Variants in C2CD3 observed in about 807,000 individuals in gnomAD.
C2CD3 encodes C2 domain containing 3 centriole elongation regulator, also known as C2 domain-containing protein 3.
A neutral mutation model predicts 234.0 loss-of-function variants in C2CD3; 148 were observed. That is an observed-to-expected ratio of 0.63 (90% CI 0.55 to 0.72). C2CD3 has a LOEUF of 0.72. Ranked by LOEUF, C2CD3 falls within the 30% of genes least tolerant of loss-of-function variation. C2CD3 has a pLI of 0.00. For synonymous variants in C2CD3, 1,000 were observed against 1,035.4 expected, an observed-to-expected ratio of 0.97 and a Z score of 0.66; for missense variants, 2,577 against 2,811.5, an observed-to-expected ratio of 0.92 and a Z score of 1.89.
chr11:74,035,926 T>C (rs1268822895), intron 30 of C2CD3, among the ~76,000 whole-genome samples: 1 of 152,106 alleles, frequency 6.6e-6, no homozygotes, highest in Admixed American at 6.5e-5. Context: ...AGTGGAACAA[T>C]CTCGGCTCAC....
chr11:74,129,328 T>C (rs1327012028), intron 7 of C2CD3: 6 of 158,812 alleles, frequency 3.8e-5, no homozygotes, highest in Non-Finnish European at 7.7e-5. Context: ...ATGGGGTGGC[T>C]GCCGGGCAGA....
In C2CD3 at chr11:74,042,241, AAG is replaced by A. The variant is rs753398809; in HGVS notation, c.5496-25_5496-24del. On this transcript the variant is annotated intron_variant, in intron 28 of 32. Transcript: ENST00000334126. ...CTTCTGTCAAAAAAAAAAAAAAAAAAAGTAGGAGCAAAATAAATTCCCAATCA... is the reference window on the plus strand; with the variant it reads ...CTTCTGTCAAAAAAAAAAAAAAAAAATAGGAGCAAAATAAATTCCCAATCA... 2.0e-5 allele frequency: 31 copies of A among 1,546,310 alleles called. No homozygotes were observed. The African/African-American group carries it at 3.1e-4, about 15-fold the overall frequency.
Position 74,093,916 on chromosome 11 carries a change from GGA to G in C2CD3, c.3242_3243del (p.Leu1081ProfsTer5). Reference protein sequence around the residue: ...PIFNSEHHHSLLLPAEVPVQR... With the variant: ...PIFNSEHHHSXLLPAEVPVQR... ...TGCACTGGAACCTCAGCTGGCAACA[GGA>G]GAGAGTGATGGTGTTCACTATTAAA... On this transcript the variant is annotated frameshift_variant, in exon 18 of 33. Coordinates refer to ENST00000334126, the MANE Select transcript of C2CD3 (RefSeq NM_001286577.2). LOFTEE classifies it high-confidence loss of function. 1 of 1,614,036 alleles carries G rather than the reference GGA, an allele frequency of 6.2e-7. No homozygotes were observed. Among genetic ancestry groups the G allele is most frequent in the Non-Finnish European group, 8.5e-7 (1 of 1,179,916 alleles).
intron 3 of C2CD3, among the ~76,000 whole-genome samples, chr11:74,160,989 G>T (rs935492430): frequency 5.3e-5 from 8 of 152,086 alleles, no homozygotes; most frequent in African/African-American, 7.2e-5. Context: ...TGAGCTATGT[G>T]AAAAACAAAG....
intron 25 of C2CD3, 126 bp downstream of exon 25, chr11:74,057,280 C>T: frequency 1.1e-6 from 1 of 904,430 alleles, no homozygotes; most frequent in Non-Finnish European, 1.7e-6. Flanking sequence ...TAAATAATTG[C>T]TTGGATAAGA....
chr11:74,117,159 TATATATATATGAATATATATATATGA>T (rs1957039266), intron 9 of C2CD3, among the ~76,000 whole-genome samples: 1 of 6,704 alleles, frequency 1.5e-4, no homozygotes, highest in Non-Finnish European at 3.2e-4. Context: ...TATATATGAA[TATATATATATGAATATATATATATGA>T]ATATATATAT....
chr11:74,159,821 C>T (rs1195410882), intron 3 of C2CD3, among the ~76,000 whole-genome samples: 3 of 151,716 alleles, frequency 2.0e-5, no homozygotes, highest in Non-Finnish European at 2.9e-5. Context: ...TAGGCCTTCA[C>T]ATTCACTCAC....
At chr11:74,155,958 T>C (rs147523704) in intron 3 of C2CD3, among the ~76,000 whole-genome samples, 3,468 of 151,928 alleles carry the variant, frequency 0.023, 125 homozygotes, top group African/African-American at 0.078. Flanking sequence ...CTGGACAACA[T>C]GGCAAAACCC....
chr11:74,133,716 T>G (rs934974474), intron 5 of C2CD3, 159 bp from the exon 6 acceptor site: 8 of 674,546 alleles, frequency 1.2e-5, no homozygotes, highest in Non-Finnish European at 1.7e-5. Context: ...TGAGGACATT[T>G]ACGCAAAAGA....
chr11:74,021,089 A>G (rs1481150058), intron 32 of C2CD3, among the ~76,000 whole-genome samples: 1 of 152,232 alleles, frequency 6.6e-6, no homozygotes, highest in Admixed American at 6.5e-5. Context: ...AACTGGCATC[A>G]GGGAGGATTC....
Position 74,168,075 on chromosome 11 carries a change from T to A in C2CD3, c.325+269A>T, listed in dbSNP as rs930108984. The stretch of plus-strand genomic sequence containing the variant: ...GACCTTAGAAAGTATTCATTTCATC[T>A]CTCCAACTTGTTTAATTGTCTATAA... On this transcript the variant is annotated intron_variant, in intron 2 of 32. Coordinates refer to ENST00000334126, the MANE Select transcript of C2CD3 (RefSeq NM_001286577.2). 7.2e-5 allele frequency: 23 copies of A among 319,186 alleles called. No homozygotes were observed. In the Admixed American group the frequency reaches 1.0e-3, roughly 14 times the overall value. The allele number at this position is 319,186 out of a possible 1,614,324, so 19.8% of individuals were successfully genotyped here. A position where few individuals can be genotyped will look rare whatever the true frequency, so the allele number is the denominator to read the frequency against.
intron 12 of C2CD3, among the ~76,000 whole-genome samples, chr11:74,106,919 T>G (rs527484085): frequency 4.6e-5 from 7 of 152,366 alleles, no homozygotes; most frequent in African/African-American, 7.2e-5. Flanking sequence ...GCTGGAAATA[T>G]AAACTGGCAA....
rs753886796 is a variant in C2CD3, at chr11:74,078,329, A to C, written c.4389T>G (p.Ile1463Met). Reference sequence around the variant, plus strand: ...TTTTGGATGCCTTGAAAGTGACCATAATCTGCTTTTTGTTTACAGATTCCT... The same window carrying C: ...TTTTGGATGCCTTGAAAGTGACCATCATCTGCTTTTTGTTTACAGATTCCT... ...KPKESVNKKQ[I>M]MVTFKASKRA... The change falls in exon 23 of 33, where the codon ATT becomes ATG. Residue 1463 changes from isoleucine (I) to methionine (M), a missense_variant. Ile to Met is a conservative substitution (Grantham distance 10, BLOSUM62 1). Coordinates refer to ENST00000334126, the MANE Select transcript of C2CD3 (RefSeq NM_001286577.2). 2.5e-6 allele frequency: 4 copies of C among 1,614,074 alleles called. No homozygotes were observed. The highest frequency in any genetic ancestry group is 2.5e-6 in the Non-Finnish European group (3 of 1,179,998).
At chr11:74,160,367 T>TA (rs1856373946) in intron 3 of C2CD3, among the ~76,000 whole-genome samples, 1 of 152,072 alleles carries the variant, frequency 6.6e-6, no homozygotes. Context: ...TCAATGGATT[T>TA]AAAAAATGTA....
rs556950691 is a variant in C2CD3, at chr11:74,092,332, G to C, written c.3517+84C>G. 89 of 1,274,330 alleles carry C rather than the reference G, an allele frequency of 7.0e-5. No individual in the cohort carries two copies. In the Middle Eastern group the frequency reaches 8.1e-4, roughly 12 times the overall value. 78.9% of individuals were successfully genotyped at this position (1,274,330 alleles called of 1,614,324 possible). On this transcript the variant is annotated intron_variant, in intron 19 of 32. Coordinates refer to ENST00000334126, the MANE Select transcript of C2CD3 (RefSeq NM_001286577.2). ...GGCTTCCCAAAGTGCTGGGATTAGA[G>C]GTGTGAACCACCGCACCCGGCTATT...
chr11:74,112,144 G>A (rs538857523), intron 11 of C2CD3, among the ~76,000 whole-genome samples: 16 of 152,226 alleles, frequency 1.1e-4, no homozygotes, highest in African/African-American at 3.6e-4. Context: ...TAAAAATCCC[G>A]TGTTACTATG....
intron 10 of C2CD3, 73 bp downstream of exon 10, chr11:74,114,311 C>A (rs1173335570): frequency 4.1e-6 from 4 of 966,854 alleles, no homozygotes; most frequent in Non-Finnish European, 6.5e-6. Flanking sequence ...CAGTATTATG[C>A]AATTGTTGAT....
intron 25 of C2CD3, among the ~76,000 whole-genome samples, chr11:74,055,645 T>C (rs567376935): frequency 1.1e-3 from 162 of 152,356 alleles, no homozygotes; most frequent in African/African-American, 3.7e-3. Context: ...ATCACCTGAG[T>C]GACTCTGGCC....
intron 20 of C2CD3, among the ~76,000 whole-genome samples, chr11:74,089,162 A>G (rs192848180): frequency 2.0e-5 from 3 of 152,300 alleles, no homozygotes; most frequent in East Asian, 3.9e-4. Context: ...ACAATGGGAA[A>G]TCATCAAGTT....
Sources: gnomAD v4.1 joint callset for allele counts (sites outside exome capture counted in the v4.1 genomes callset) on GRCh38, gnomAD v4.1.1 for gene constraint, MANE v1.5 for transcripts, NCBI Gene and HGNC (gene_info 2026-07-23, HGNC 2026-07-21) for gene names.